The following MMP1 variants were observed in gnomAD, a reference collection of about 807,000 sequenced individuals.
MMP1 encodes the protein interstitial collagenase.
Under a neutral mutation model 49.6 loss-of-function variants are expected in MMP1, and 51 were observed. The ratio of observed to expected loss-of-function variants is 1.03; its 90% confidence interval spans 0.82 to 1.30. The LOEUF is 1.30. Among genes scored for constraint, MMP1 ranks in the 50% most tolerant of loss-of-function variants. The probability of loss-of-function intolerance (pLI) is 0.00; values close to 1 mark genes in which losing one functional copy is unlikely to be tolerated. For missense variants in MMP1, 623 were observed against 568.7 expected (o/e 1.10, Z -0.97); for synonymous variants, 230 against 196.8 (o/e 1.17, Z -1.41).
At chr11:102,797,860 T>C in intron 1 of MMP1, 128 bp downstream of exon 1, 1 of 653,208 alleles carries the variant, frequency 1.5e-6, no homozygotes. Flanking sequence ...GGGTGGAGGG[T>C]GCTGTTTCTA....
In MMP1 at chr11:102,792,740, T is replaced by A; in HGVS notation, c.900-2A>T. On this transcript the variant is annotated splice_acceptor_variant, in intron 6 of 9. Transcript: ENST00000315274. LOFTEE classifies it high-confidence loss of function. Reference sequence around the variant, plus strand: ...AAGGGATTTGTGCGCATGTAGAATCTGATTAGAAAAAAAGCAAGAAAAGTT... The same window carrying A: ...AAGGGATTTGTGCGCATGTAGAATCAGATTAGAAAAAAAGCAAGAAAAGTT... The A allele has an allele frequency of 6.3e-7, 1 of 1,593,958 alleles. No individual in the cohort carries two copies.
chr11:102,796,591 A>G, intron 4 of MMP1, 73 bp downstream of exon 4: 2 of 1,524,816 alleles, frequency 1.3e-6, no homozygotes, highest in Non-Finnish European at 1.8e-6. Flanking sequence ...CATTCTTTCA[A>G]CTAAATCAAC....
rs17883091 is a variant in MMP1, at chr11:102,790,022, A to G, written c.*390T>C. The G allele has an allele frequency of 1.1e-3, 169 of 156,734 alleles. No individual in the cohort carries two copies. The highest frequency in any genetic ancestry group is 4.0e-3 in the African/African-American group (165 of 41,644). The allele number at this position is 156,734 out of a possible 1,614,324, so 9.7% of individuals were successfully genotyped here. On this transcript the variant is annotated 3_prime_UTR_variant, in exon 10 of 10. Transcript: ENST00000315274. ...TCCAGGGTGACACCAGTGACTGCACATGTGTTCTTGAGCTGCTTTTCCTCC... is the reference window on the plus strand; with the variant it reads ...TCCAGGGTGACACCAGTGACTGCACGTGTGTTCTTGAGCTGCTTTTCCTCC...
rs1359548368 is a variant in MMP1, at chr11:102,790,708, T to A, written c.1295A>T (p.Lys432Ile). The part of the protein sequence containing the change: ...IGHKVDAVFM[K>I]DGFFYFFHGT... ...ATACATGTATATTCACTTACCATCT[T>A]TCATGAAAACTGCATCAACTTTGTG... Residue 432 changes from lysine to isoleucine, a missense_variant, in exon 9 of 10, where the codon AAA becomes ATA. By Grantham distance (102) the Lys-to-Ile change is moderately radical. Transcript: ENST00000315274. 2 of 1,604,032 alleles carry A rather than the reference T, an allele frequency of 1.2e-6. No homozygotes were observed. The highest frequency in any genetic ancestry group is 1.7e-6 in the Non-Finnish European group (2 of 1,171,076).
rs1591082401 is a variant in MMP1, at chr11:102,796,807, A to G, written c.500-18T>C. On this transcript the variant is annotated intron_variant, in intron 3 of 9. Transcript: ENST00000315274. ...CCGATGATCTGAAAGAAACAATTCA[A>G]CAAAGATTCCTTGTGGTTCTTATGT... 1.2e-6 allele frequency: 2 copies of G among 1,610,384 alleles called. No individual in the cohort carries two copies. The highest frequency in any genetic ancestry group is 2.2e-5 in the East Asian group (1 of 44,866).
intron 9 of MMP1, 49 bp downstream of exon 9, chr11:102,790,654 G>A (rs939290696): frequency 3.4e-5 from 47 of 1,379,804 alleles, no homozygotes; most frequent in Non-Finnish European, 4.3e-5. Context: ...CAATAATGAT[G>A]TTATTGCTAC....
chr11:102,791,497 T>C lies in MMP1; in HGVS notation c.1034-2A>G, dbSNP rs1565210103. The C allele has an allele frequency of 1.9e-6, 3 of 1,611,598 alleles. No homozygotes were observed. Among genetic ancestry groups the C allele is most frequent in the Admixed American group, 3.4e-5 (2 of 59,400 alleles). ...CCTGAACAGCCCAGTACTTATTCCC[T>C]GCCAATCAAGAAAGAGTGATAAAAC... is the stretch of plus-strand genomic sequence containing the variant. On this transcript the variant is annotated splice_acceptor_variant, in intron 7 of 9. Coordinates refer to ENST00000315274, the MANE Select transcript of MMP1 (RefSeq NM_002421.4). LOFTEE classifies it high-confidence loss of function.
intron 6 of MMP1, among the ~76,000 whole-genome samples, chr11:102,793,419 T>G (rs1172245301): frequency 6.6e-6 from 1 of 152,174 alleles, no homozygotes; most frequent in African/African-American, 2.4e-5. Context: ...GCACCTGGCC[T>G]ATAATTTAAT....
chr11:102,792,757 A>T lies in MMP1; in HGVS notation c.900-19T>A, dbSNP rs55707224. Reference sequence around the variant, plus strand: ...GTAGAATCTGATTAGAAAAAAAGCAAGAAAAGTTTCCATCTAATTTCTGGT... The same window carrying T: ...GTAGAATCTGATTAGAAAAAAAGCATGAAAAGTTTCCATCTAATTTCTGGT... On this transcript the variant is annotated intron_variant, in intron 6 of 9. Coordinates refer to ENST00000315274, the MANE Select transcript of MMP1 (RefSeq NM_002421.4). 6,166 of 1,605,920 alleles carry T rather than the reference A, an allele frequency of 3.8e-3. 13 individuals are homozygous for T. Among genetic ancestry groups the T allele is most frequent in the Non-Finnish European group, 4.5e-3 (5,275 of 1,175,338 alleles).
Position 102,796,697 on chromosome 11 carries a change from C to T in MMP1, c.592G>A (p.Asp198Asn), listed in dbSNP as rs1476324299. ...GPGIGGDAHF[D>N]EDERWTNNFR... ...TTGTTGGTCCACCTTTCATCTTCATCAAAATGAGCATCCCCTCCAATACCT... is the reference window on the plus strand; with the variant it reads ...TTGTTGGTCCACCTTTCATCTTCATTAAAATGAGCATCCCCTCCAATACCT... The change falls in exon 4 of 10, where the codon GAT (aspartate) becomes AAT (asparagine). Residue 198 changes from aspartate to asparagine, a missense_variant. By Grantham distance (23) the Asp-to-Asn change is conservative. Coordinates refer to ENST00000315274, the MANE Select transcript of MMP1 (RefSeq NM_002421.4). The T allele has an allele frequency of 6.2e-7, 1 of 1,613,960 alleles. No homozygotes were observed. The highest frequency in any genetic ancestry group is 1.7e-5 in the Admixed American group (1 of 59,964).
Position 102,796,696 on chromosome 11 carries a change from T to C in MMP1, c.593A>G (p.Asp198Gly). ...GPGIGGDAHF[D>G]EDERWTNNFR... is the part of the protein sequence containing the mutation. Reference sequence around the variant, plus strand: ...ATTGTTGGTCCACCTTTCATCTTCATCAAAATGAGCATCCCCTCCAATACC... The same window carrying C: ...ATTGTTGGTCCACCTTTCATCTTCACCAAAATGAGCATCCCCTCCAATACC... Residue 198 changes from aspartate (D) to glycine (G), a missense_variant, in exon 4 of 10, where the codon GAT becomes GGT. Coordinates refer to ENST00000315274, the MANE Select transcript of MMP1 (RefSeq NM_002421.4). 6.2e-7 allele frequency: 1 copy of C among 1,613,970 alleles called. No homozygotes were observed. The highest frequency in any genetic ancestry group is 8.5e-7 in the Non-Finnish European group (1 of 1,179,950).
rs1591076155 is a variant in MMP1, at chr11:102,790,426, A to C, written c.1396T>G (p.Cys466Gly). 2 of 1,601,402 alleles carry C rather than the reference A, an allele frequency of 1.2e-6. No homozygotes were observed. Among genetic ancestry groups the C allele is most frequent in the Non-Finnish European group, 1.7e-6 (2 of 1,170,422 alleles). ...ATTAGTAATGTTCAATTTTTCCTGC[A>C]GTTGAACCAGCTATTAGCTTTCTGG... is the stretch of plus-strand genomic sequence containing the variant. ...TLQKANSWFN[C>G]RKN Residue 466 changes from cysteine (C) to glycine (G), a missense_variant, in exon 10 of 10, where the codon TGC becomes GGC. By Grantham distance (159) the Cys-to-Gly change is radical. Transcript: ENST00000315274.
At position 102,797,459 on chromosome 11, in the gene MMP1, C is replaced by T; in HGVS notation, c.147G>A (p.Arg49=). 6.2e-7 allele frequency: 1 copy of T among 1,614,194 alleles called. No individual in the cohort carries two copies. The highest frequency in any genetic ancestry group is 8.5e-7 in the Non-Finnish European group (1 of 1,180,020). Residue 49 remains arginine, a synonymous_variant, in exon 2 of 10, where the codon AGG becomes AGA. Transcript: ENST00000315274. ...CACTATTTCTCCGCTTTTCAACTTG[C>T]CTCCCATCATTCTTCAGGTTGTAGT... ...EKYYNLKNDG[R]QVEKRRNSGP...
chr11:102,795,201 C>T lies in MMP1; in HGVS notation c.872G>A (p.Arg291Gln), dbSNP rs374237181. Reference sequence around the variant, plus strand: ...GTCTTTAAAGAACATCACTTCTCCCCGAATCGTAGTTATAGCATCAAAGGT... The same window carrying T: ...GTCTTTAAAGAACATCACTTCTCCCTGAATCGTAGTTATAGCATCAAAGGT... The part of the protein sequence containing the change: ...KLTFDAITTI[R>Q]GEVMFFKDRF... The change falls in exon 6 of 10, where the codon CGG becomes CAG. Residue 291 changes from arginine to glutamine, a missense_variant. Arg to Gln is a conservative substitution (Grantham distance 43). Coordinates refer to ENST00000315274, the MANE Select transcript of MMP1 (RefSeq NM_002421.4). 34 of 1,613,770 alleles carry T rather than the reference C, an allele frequency of 2.1e-5. 1 individual carries two copies. The highest frequency in any genetic ancestry group is 1.9e-4 in the African/African-American group (14 of 74,888).
rs1858218519 is a variant in MMP1 at position 102,797,179 on chromosome 11, A to G, written c.351-17T>C. ...TTTTCAATCCTTAGAATGAAACAAA[A>G]TAGAGACACATTGGACATGACTTCT... On this transcript the variant is annotated splice_polypyrimidine_tract_variant and intron_variant, in intron 2 of 9. Coordinates refer to ENST00000315274, the MANE Select transcript of MMP1 (RefSeq NM_002421.4). The G allele has an allele frequency of 6.2e-7, 1 of 1,613,812 alleles. No individual in the cohort carries two copies.
intron 9 of MMP1, 30 bp from the exon 10 acceptor site, chr11:102,790,551 A>T (rs1857997120): frequency 7.1e-7 from 1 of 1,404,722 alleles, no homozygotes; most frequent in Non-Finnish European, 1.0e-6. Flanking sequence ...GACTTACTAC[A>T]TTATACAAGT....
In MMP1 at chr11:102,796,720, C is replaced by A; in HGVS notation, c.569G>T (p.Gly190Val). Reference protein sequence around the residue: ...NLAHAFQPGPGIGGDAHFDED... With the variant: ...NLAHAFQPGPVIGGDAHFDED... Reference sequence around the variant, plus strand: ...ATCAAAATGAGCATCCCCTCCAATACCTGGGCCTGGTTGAAAAGCATGAGC... The same window carrying A: ...ATCAAAATGAGCATCCCCTCCAATAACTGGGCCTGGTTGAAAAGCATGAGC... Residue 190 changes from glycine (G) to valine (V), a missense_variant, in exon 4 of 10, where the codon GGT (glycine) becomes GTT (valine). Coordinates refer to ENST00000315274, the MANE Select transcript of MMP1 (RefSeq NM_002421.4). The A allele has an allele frequency of 3.1e-6, 5 of 1,614,060 alleles. No homozygotes were observed. Among genetic ancestry groups the A allele is most frequent in the Non-Finnish European group, 4.2e-6 (5 of 1,179,956 alleles).
Position 102,790,379 on chromosome 11 carries a change from A to T in MMP1, c.*33T>A. 1 of 1,336,976 alleles carries T rather than the reference A, an allele frequency of 7.5e-7. No individual in the cohort carries two copies. Among genetic ancestry groups the T allele is most frequent in the Non-Finnish European group, 1.1e-6 (1 of 941,486 alleles). 82.8% of individuals were successfully genotyped at this position (1,336,976 alleles called of 1,614,324 possible). A position where few individuals can be genotyped will look rare whatever the true frequency, so the allele number is the denominator to read the frequency against. ...TCAGGAAAACACCTTCTTTGGACTC[A>T]CACCATGTGTTTTCCATTCAAATTA... is the stretch of plus-strand genomic sequence containing the variant. On this transcript the variant is annotated 3_prime_UTR_variant, in exon 10 of 10. Coordinates refer to ENST00000315274, the MANE Select transcript of MMP1 (RefSeq NM_002421.4).
intron 4 of MMP1, among the ~76,000 whole-genome samples, chr11:102,795,973 C>T (rs943610268): frequency 5.3e-5 from 8 of 152,098 alleles, no homozygotes; most frequent in Admixed American, 2.6e-4. Flanking sequence ...TTTCTTGAGA[C>T]GGAGTCTTGC....
Sources: allele counts gnomAD v4.1 joint callset (sites outside exome capture counted in the v4.1 genomes callset), GRCh38; gene constraint gnomAD v4.1.1; transcripts MANE v1.5; gene names NCBI Gene and HGNC (gene_info 2026-07-23, HGNC 2026-07-21).